Variants in GAS2L1 observed in about 807,000 individuals in gnomAD.
GAS2L1 encodes growth arrest specific 2 like 1.
A neutral mutation model predicts 44.0 loss-of-function variants in GAS2L1; 26 were observed. The observed-to-expected ratio is 0.59, with a 90% CI of 0.43 to 0.82. The LOEUF (loss-of-function observed/expected upper bound fraction) is 0.82, where lower values mean the gene tolerates loss of function less well. Among genes scored for constraint, GAS2L1 ranks in the 40% least tolerant of loss-of-function variants. The pLI is 0.00. For synonymous variants in GAS2L1, 426 were observed against 415.9 expected (o/e 1.02, Z -0.30); for missense variants, 1,006 against 983.0 (o/e 1.02, Z -0.31).
chr22:29,311,690 G>A (rs1465121553), exon 5 of GAS2L1: 1 of 1,523,220 alleles, frequency 6.6e-7, no homozygotes, highest in East Asian at 2.5e-5. Flanking sequence ...ATCGCGGCCG[G>A]CCCCGGGGGG....
upstream of GAS2L1, chr22:29,306,931 C>G (rs929383021): frequency 6.6e-6 from 1 of 152,200 alleles, no homozygotes; most frequent in Non-Finnish European, 1.5e-5. Flanking sequence ...CCCCAGCTCC[C>G]GCCGGCTCGG....
At chr22:29,308,309 C>T (rs1269920798) in exon 1 of GAS2L1, 8 of 1,607,880 alleles carry the variant, frequency 5.0e-6, no homozygotes, top group Admixed American at 1.7e-5. Context: ...ATGCCAACGC[C>T]GTGACCGAGG....
chr22:29,310,407 C>A, intron 1 of GAS2L1, 32 bp from the exon 3 acceptor site: 1 of 1,259,630 alleles, frequency 7.9e-7, no homozygotes, highest in Non-Finnish European at 1.2e-6. Flanking sequence ...AGGACTTGAC[C>A]TCTGACCCCT....
chr22:29,312,692 A>G, exon 5 of GAS2L1: 1 of 436,442 alleles, frequency 2.3e-6, no homozygotes, highest in Non-Finnish European at 4.0e-6. Context: ...TTAATTACTA[A>G]TATTATTGAA....
At chr22:29,311,620 G>A (rs2061407088) in exon 5 of GAS2L1, 4 of 1,537,816 alleles carry the variant, frequency 2.6e-6, no homozygotes, top group South Asian at 1.2e-5. Flanking sequence ...CTGACCACAG[G>A]CACCCCGGCC....
chr22:29,307,941 CTT>C (rs906836613), exon 1 of GAS2L1: 3 of 490,026 alleles, frequency 6.1e-6, no homozygotes, highest in African/African-American at 5.9e-5. Context: ...GATGAGGAAA[CTT>C]GGGGCACCGA....
chr22:29,310,992 C>T (rs1045023516), exon 4 of GAS2L1: 1 of 1,611,526 alleles, frequency 6.2e-7, no homozygotes, highest in South Asian at 1.1e-5. Context: ...CCCGAGACCC[C>T]ACCCAGGTGA....
chr22:29,310,634 G>T lies in GAS2L1; in HGVS notation c.742-4G>T. 6.2e-7 allele frequency: 1 copy of T among 1,606,626 alleles called. No individual in the cohort carries two copies. ...GCACAGCCGTGACCTGCCCACACCTGCAGGTGCTGAGGAGCCACGTGATGG... is the reference window on the plus strand; with the variant it reads ...GCACAGCCGTGACCTGCCCACACCTTCAGGTGCTGAGGAGCCACGTGATGG... On this transcript the variant is annotated splice_region_variant and splice_polypyrimidine_tract_variant and intron_variant, in intron 2 of 4. Coordinates refer to ENST00000618518, the Ensembl canonical transcript of GAS2L1.
chr22:29,312,294 C>T lies in GAS2L1; in HGVS notation c.1843C>T (p.Leu615=), dbSNP rs769189937. The T allele has an allele frequency of 2.5e-6, 4 of 1,608,820 alleles. No homozygotes were observed. The East Asian group carries it at 8.9e-5, about 36-fold the overall frequency. ...CCCCTGCCCTGGCATGGGGGGGCCA[C>T]TAGATGCACCTGGGAGCCCCCTGGC... Residue 615 remains leucine, a synonymous_variant, in exon 5 of 5, where the codon CTA becomes TTA. Transcript: ENST00000618518.
At chr22:29,312,544 T>G (rs983641338) in exon 5 of GAS2L1, 1 of 1,387,744 alleles carries the variant, frequency 7.2e-7, no homozygotes, top group East Asian at 2.5e-5. Context: ...TCCTTTTCCT[T>G]TGTGGCCTTA....
intron 1 of GAS2L1, among the ~76,000 whole-genome samples, chr22:29,309,815 A>G (rs1208651189): frequency 6.6e-6 from 1 of 152,192 alleles, no homozygotes; most frequent in East Asian, 1.9e-4. Flanking sequence ...GAAGTGGGTG[A>G]AGCGGGAGTG....
Position 29,310,252 on chromosome 22 carries a change from A to T in GAS2L1, c.634-187A>T, listed in dbSNP as rs199596555. 5.8e-3 allele frequency: 2,037 copies of T among 352,092 alleles called. 55 individuals carry two copies. Among genetic ancestry groups the T allele is most frequent in the East Asian group, 0.053 (1,171 of 22,168 alleles). 21.8% of individuals were successfully genotyped at this position (352,092 alleles called of 1,614,324 possible). ...AGCAAAACTCCAACTCAAAAAAAAA[A>T]AAAAATAAAAAAAAATAAAAAAAAT... is the stretch of plus-strand genomic sequence containing the variant. On this transcript the variant is annotated intron_variant, in intron 1 of 4. Transcript: ENST00000618518.
exon 1 of GAS2L1, chr22:29,307,992 T>C: frequency 2.4e-6 from 2 of 830,048 alleles, no homozygotes; most frequent in Non-Finnish European, 3.4e-6. Context: ...GCATTTGGCC[T>C]GAGTGACAGA....
intron 4 of GAS2L1, 150 bp downstream of exon 5, chr22:29,311,148 G>A (rs963157702): frequency 1.4e-5 from 10 of 731,080 alleles, no homozygotes; most frequent in Non-Finnish European, 2.0e-5. Context: ...CCATCTCCAT[G>A]GCAACCCAAC....
At chr22:29,311,845 G>A (rs750952353) in exon 5 of GAS2L1, 1 of 1,593,614 alleles carries the variant, frequency 6.3e-7, no homozygotes. Flanking sequence ...AGGGGCAGTG[G>A]GGGCTCGGGC....
chr22:29,310,242 C>CAAAAAAAAA (rs1400782855), intron 1 of GAS2L1, 197 bp from the exon 3 acceptor site: 10 of 188,992 alleles, frequency 5.3e-5, no homozygotes, highest in South Asian at 2.9e-4. Context: ...AACTCCAACT[C>CAAAAAAAAA]AAAAAAAAAA....
exon 1 of GAS2L1, chr22:29,308,092 C>G: frequency 2.0e-6 from 3 of 1,533,788 alleles, no homozygotes; most frequent in Non-Finnish European, 2.6e-6. Context: ...CACAGTGACT[C>G]GGCCGGTCCG....
chr22:29,309,372 C>T (rs974478983), intron 1 of GAS2L1, among the ~76,000 whole-genome samples: 1 of 152,258 alleles, frequency 6.6e-6, no homozygotes. Flanking sequence ...TCTCTCCTCT[C>T]CCAGGATCTG....
At chr22:29,310,241 T>G in intron 1 of GAS2L1, 198 bp from the exon 3 acceptor site, 1 of 260,180 alleles carries the variant, frequency 3.8e-6, no homozygotes, top group Non-Finnish European at 6.6e-6. Context: ...AAACTCCAAC[T>G]CAAAAAAAAA....
Sources: allele counts gnomAD v4.1 joint callset (sites outside exome capture counted in the v4.1 genomes callset), GRCh38; gene constraint gnomAD v4.1.1; transcripts MANE v1.5; gene names NCBI Gene and HGNC (gene_info 2026-07-23, HGNC 2026-07-21).